The following PHIP variants were observed in gnomAD, a reference collection of about 807,000 sequenced individuals.
The protein encoded by PHIP is PHIP subunit of CUL4-Ring ligase complex.
A neutral mutation model predicts 236.8 loss-of-function variants in PHIP; 54 were observed. The observed-to-expected ratio is 0.23, with a 90% CI of 0.18 to 0.29. PHIP has a LOEUF of 0.29. Among genes scored for constraint, PHIP ranks in the 10% least tolerant of loss-of-function variants. The probability of loss-of-function intolerance (pLI) is 1.00; values close to 1 mark genes in which losing one functional copy is unlikely to be tolerated. For missense variants in PHIP, 1,370 were observed against 2,190.8 expected (o/e 0.63, Z 7.48); for synonymous variants, 756 against 718.9 (o/e 1.05, Z -0.83).
chr6:78,976,455 A>G (rs12182951), intron 24 of PHIP, among the ~76,000 whole-genome samples: 59,199 of 68,430 alleles, frequency 0.87, 25,937 homozygotes, highest in East Asian at 0.98. Flanking sequence ...CATTCAGGAC[A>G]TAGGCATGGG....
At chr6:79,010,171 T>G (rs185951025) in intron 15 of PHIP, among the ~76,000 whole-genome samples, 1 of 151,730 alleles carries the variant, frequency 6.6e-6, no homozygotes, top group Non-Finnish European at 1.5e-5. Flanking sequence ...TAATAAGAGA[T>G]AACACAATAT....
In PHIP at chr6:78,945,981, A is replaced by G. The variant is rs773169802; in HGVS notation, c.4630+20T>C. ...TAAGAAAATCATCATATACATTTCA[A>G]TTTAGAAAGTGAGTCTTACTTGTTT... On this transcript the variant is annotated intron_variant, in intron 38 of 39. Coordinates refer to ENST00000275034, the MANE Select transcript of PHIP (RefSeq NM_017934.7). The G allele has an allele frequency of 8.3e-6, 13 of 1,567,678 alleles. No individual in the cohort carries two copies. In the South Asian group the frequency reaches 1.4e-4, roughly 17 times the overall value.
At chr6:79,011,618 A>T (rs1259993725) in intron 15 of PHIP, among the ~76,000 whole-genome samples, 5 of 151,518 alleles carry the variant, frequency 3.3e-5, no homozygotes, top group African/African-American at 1.2e-4. Context: ...CCCAGCACCC[A>T]CTCCCCAACT....
chr6:78,953,149 G>T (rs1330075032), intron 35 of PHIP, among the ~76,000 whole-genome samples: 1 of 151,968 alleles, frequency 6.6e-6, no homozygotes, highest in African/African-American at 2.4e-5. Flanking sequence ...CATGTATAGT[G>T]TAAGTTTAGG....
At chr6:78,989,771 T>A (rs1245197164) in intron 20 of PHIP, among the ~76,000 whole-genome samples, 3 of 152,168 alleles carry the variant, frequency 2.0e-5, no homozygotes. Flanking sequence ...ATAAAGGTAG[T>A]AGCAAGCAAT....
intron 34 of PHIP, 36 bp downstream of exon 34, chr6:78,955,196 T>A: frequency 7.0e-7 from 1 of 1,432,786 alleles, no homozygotes; most frequent in East Asian, 2.3e-5. Flanking sequence ...TTTTAATTCA[T>A]ATAAAGTACT....
At chr6:79,037,142 T>C (rs1771979841) in intron 7 of PHIP, among the ~76,000 whole-genome samples, 1 of 152,152 alleles carries the variant, frequency 6.6e-6, no homozygotes, top group African/African-American at 2.4e-5. Flanking sequence ...CTTTTCCTTT[T>C]TGGCCCACAA....
Position 79,077,681 on chromosome 6 carries a change from G to GT in PHIP, c.129+18_129+19insA, listed in dbSNP as rs1271157437. 2.3e-5 allele frequency: 22 copies of GT among 966,694 alleles called. No homozygotes were observed. The Admixed American group carries it at 1.4e-3, about 62-fold the overall frequency. The allele number at this position is 966,694 out of a possible 1,614,324, so 59.9% of individuals were successfully genotyped here. ...CGGCCGCGCGGCGGCGGGACGCGCC[G>GT]GGCCGCCGCCGCCCTTACCTCCTTC... On this transcript the variant is annotated intron_variant, in intron 3 of 39. Coordinates refer to ENST00000275034, the MANE Select transcript of PHIP (RefSeq NM_017934.7).
chr6:78,971,542 G>A (rs893289462), intron 24 of PHIP, among the ~76,000 whole-genome samples: 1 of 152,170 alleles, frequency 6.6e-6, no homozygotes, highest in African/African-American at 2.4e-5. Flanking sequence ...GGCCGAATAG[G>A]AACAGCTCCG....
chr6:78,971,253 A>T (rs1767527813), intron 24 of PHIP, among the ~76,000 whole-genome samples: 1 of 152,236 alleles, frequency 6.6e-6, no homozygotes, highest in Non-Finnish European at 1.5e-5. Flanking sequence ...ATATGCAGAA[A>T]ACATTGAAAT....
intron 17 of PHIP, among the ~76,000 whole-genome samples, chr6:79,000,005 A>T (rs1641577549): frequency 6.6e-6 from 1 of 152,058 alleles, no homozygotes; most frequent in South Asian, 2.1e-4. Flanking sequence ...AGTATGTTGT[A>T]TGGTGCCAAT....
At chr6:79,037,733 G>T (rs375443994) in intron 7 of PHIP, among the ~76,000 whole-genome samples, 1 of 152,182 alleles carries the variant, frequency 6.6e-6, no homozygotes, top group Non-Finnish European at 1.5e-5. Flanking sequence ...ACAGATATTT[G>T]TATGTATTTC....
chr6:79,041,764 A>G (rs190138137), intron 7 of PHIP, among the ~76,000 whole-genome samples: 1 of 152,066 alleles, frequency 6.6e-6, no homozygotes, highest in African/African-American at 2.4e-5. Flanking sequence ...AAGAGAACGT[A>G]AAAAGGGAAA....
chr6:79,030,722 C>G (rs1771626161), intron 7 of PHIP, among the ~76,000 whole-genome samples: 1 of 152,010 alleles, frequency 6.6e-6, no homozygotes, highest in Non-Finnish European at 1.5e-5. Flanking sequence ...CCATAGTAGT[C>G]AAAACAATGA....
chr6:78,938,761 T>C lies in PHIP; in HGVS notation c.*1932A>G, dbSNP rs1364837163. On this transcript the variant is annotated 3_prime_UTR_variant, in exon 40 of 40. Transcript: ENST00000275034. ...TTTTTCAACTGCAAAATCTCAGCAATGCAGTCAAGATCTGGAAAATGGTTT... is the reference window on the plus strand; with the variant it reads ...TTTTTCAACTGCAAAATCTCAGCAACGCAGTCAAGATCTGGAAAATGGTTT... 6.6e-6 allele frequency: 1 copy of C among 151,678 alleles called. No individual in the cohort carries two copies. Among genetic ancestry groups the C allele is most frequent in the Non-Finnish European group, 1.5e-5 (1 of 67,632 alleles). 9.4% of individuals were successfully genotyped at this position (151,678 alleles called of 1,614,324 possible). A position where few individuals can be genotyped will look rare whatever the true frequency, so the allele number is the denominator to read the frequency against.
At chr6:79,015,051 G>GT in intron 15 of PHIP, 31 bp downstream of exon 15, 1 of 1,579,434 alleles carries the variant, frequency 6.3e-7, no homozygotes, top group Admixed American at 1.7e-5. Context: ...CAAATCTTTA[G>GT]TAGGTATAAA....
At chr6:78,945,973 A>G in intron 38 of PHIP, 28 bp downstream of exon 38, 1 of 1,527,732 alleles carries the variant, frequency 6.5e-7, no homozygotes, top group Non-Finnish European at 9.1e-7. Flanking sequence ...ATCATCATAT[A>G]CATTTCAATT....
chr6:78,949,805 C>A (rs1236248182), intron 35 of PHIP, among the ~76,000 whole-genome samples: 1 of 152,142 alleles, frequency 6.6e-6, no homozygotes, highest in African/African-American at 2.4e-5. Context: ...CCTCCCACCT[C>A]AGCCTCATTA....
intron 7 of PHIP, among the ~76,000 whole-genome samples, chr6:79,037,310 C>A (rs1337647344): frequency 6.6e-6 from 1 of 152,164 alleles, no homozygotes; most frequent in African/African-American, 2.4e-5. Flanking sequence ...AATGTTTCTT[C>A]ATGACCAGAT....
Sources: gnomAD v4.1 joint callset for allele counts (sites outside exome capture counted in the v4.1 genomes callset) on GRCh38, gnomAD v4.1.1 for gene constraint, MANE v1.5 for transcripts, NCBI Gene and HGNC (gene_info 2026-07-23, HGNC 2026-07-21) for gene names.